The following GSTO2 variants were observed in gnomAD, a reference collection of about 807,000 sequenced individuals.
GSTO2 encodes the protein glutathione S-transferase omega 2.
A neutral mutation model predicts 28.4 loss-of-function variants in GSTO2; 23 were observed. That is an observed-to-expected ratio of 0.81 (90% CI 0.58 to 1.15). The LOEUF (loss-of-function observed/expected upper bound fraction) is 1.15, where lower values mean the gene tolerates loss of function less well. Ranked by LOEUF, GSTO2 falls within the 50% of genes most tolerant of loss-of-function variation. The pLI, the probability that GSTO2 is intolerant of heterozygous loss-of-function variation, is 0.00. For missense variants in GSTO2, 298 were observed against 297.8 expected, an observed-to-expected ratio of 1.00 and a Z score of 0.00; for synonymous variants, 109 against 111.0, an observed-to-expected ratio of 0.98 and a Z score of 0.11.
chr10:104,285,875 A>G, intron 5 of GSTO2: 1 of 287,258 alleles, frequency 3.5e-6, no homozygotes. Flanking sequence ...AATTTTTATT[A>G]ATTTCCAGTG....
rs1262601051 is a variant in GSTO2, at chr10:104,304,298, G to C, written c.*5014G>C. 2 of 152,156 alleles carry C rather than the reference G, an allele frequency of 1.3e-5. No individual in the cohort carries two copies. The highest frequency in any genetic ancestry group is 2.4e-5 in the African/African-American group (1 of 41,438). The allele number at this position is 152,156 out of a possible 1,614,324, so 9.4% of individuals were successfully genotyped here. On this transcript the variant is annotated 3_prime_UTR_variant, in exon 7 of 7. Coordinates refer to ENST00000338595, the MANE Select transcript of GSTO2 (RefSeq NM_183239.2). ...TCTCATCTGGCCTGTTAGCGCTCTT[G>C]AGCCTTTGAAAATGCCATTTCCTCT...
intron 1 of GSTO2, among the ~76,000 whole-genome samples, chr10:104,269,823 C>G (rs999902443): frequency 2.0e-5 from 3 of 152,206 alleles, no homozygotes; most frequent in Non-Finnish European, 2.9e-5. Flanking sequence ...TGTACTGGTA[C>G]TATTAGCTAC....
intron 1 of GSTO2, among the ~76,000 whole-genome samples, chr10:104,273,280 CT>C (rs57778497): frequency 0.074 from 11,275 of 152,280 alleles, 1,399 homozygotes; most frequent in African/African-American, 0.26. Flanking sequence ...ACCAATATGT[CT>C]TCTCCAACAC....
At chr10:104,270,923 C>T (rs1196787013) in intron 1 of GSTO2, among the ~76,000 whole-genome samples, 15 of 152,210 alleles carry the variant, frequency 9.9e-5, no homozygotes, top group Admixed American at 9.8e-4. Flanking sequence ...GTTAATCACC[C>T]ATGACCGAAG....
chr10:104,275,137 T>A, intron 2 of GSTO2, 89 bp from the exon 3 acceptor site: 1 of 1,525,432 alleles, frequency 6.6e-7, no homozygotes, highest in Non-Finnish European at 8.8e-7. Context: ...CCCACAGCCA[T>A]CTTGGGATCT....
intron 5 of GSTO2, chr10:104,296,981 GT>G (rs1395219735): frequency 6.6e-6 from 1 of 152,302 alleles, no homozygotes; most frequent in Non-Finnish European, 1.5e-5. Flanking sequence ...GTTTCTCCAT[GT>G]TGGTCAGGCT....
At chr10:104,295,672 T>G (rs1047448480) in intron 5 of GSTO2, 1 of 152,296 alleles carries the variant, frequency 6.6e-6, no homozygotes, top group Non-Finnish European at 1.5e-5. Context: ...GGTTCCATGC[T>G]GAATCAGAGG....
chr10:104,299,368 T>C lies in GSTO2; in HGVS notation c.*84T>C, dbSNP rs2013189948. 1 of 1,426,728 alleles carries C rather than the reference T, an allele frequency of 7.0e-7. No homozygotes were observed. The highest frequency in any genetic ancestry group is 1.9e-5 in the African/African-American group (1 of 52,222). The allele number at this position is 1,426,728 out of a possible 1,614,324, so 88.4% of individuals were successfully genotyped here. ...ACGGCTTGTCTTGGGAACCAATCCGTCTCTCTTTCTTTTCTTTGAAGTTCC... is the reference window on the plus strand; with the variant it reads ...ACGGCTTGTCTTGGGAACCAATCCGCCTCTCTTTCTTTTCTTTGAAGTTCC... On this transcript the variant is annotated 3_prime_UTR_variant, in exon 7 of 7. Coordinates refer to ENST00000338595, the MANE Select transcript of GSTO2 (RefSeq NM_183239.2).
At chr10:104,293,272 A>G (rs550611470) in intron 5 of GSTO2, among the ~76,000 whole-genome samples, 201 of 152,322 alleles carry the variant, frequency 1.3e-3, no homozygotes, top group Non-Finnish European at 2.2e-3. Flanking sequence ...GCTGGTTCCA[A>G]GCTTTTTTCT....
rs191805722 is a variant in GSTO2 at position 104,303,622 on chromosome 10, A to G, written c.*4338A>G. On this transcript the variant is annotated 3_prime_UTR_variant, in exon 7 of 7. Transcript: ENST00000338595. ...GAATTTGCAGCCAGCTATGTGGTAG[A>G]AAAGAAGAGCCCGTTTTCAGGGAAG... The G allele has an allele frequency of 6.6e-6, 1 of 152,340 alleles. No homozygotes were observed. Among genetic ancestry groups the G allele is most frequent in the African/African-American group, 2.4e-5 (1 of 41,586 alleles). The allele number at this position is 152,340 out of a possible 1,614,324, so 9.4% of individuals were successfully genotyped here.
In GSTO2 at chr10:104,279,441, C is replaced by T. The variant is rs771752797; in HGVS notation, c.438C>T (p.Ala146=). Reference sequence around the variant, plus strand: ...GAGAATGCACTAATCTGAAGGCAGCCCTGCGTCAGGAATTCAGCAACCTGG... The same window carrying T: ...GAGAATGCACTAATCTGAAGGCAGCTCTGCGTCAGGAATTCAGCAACCTGG... ...CGRECTNLKA[A]LRQEFSNLEE... Residue 146 remains alanine (A), a synonymous_variant, in exon 5 of 7, where the codon GCC becomes GCT. Transcript: ENST00000338595. The T allele has an allele frequency of 1.2e-6, 2 of 1,613,980 alleles. No homozygotes were observed. Among genetic ancestry groups the T allele is most frequent in the South Asian group, 2.2e-5 (2 of 91,074 alleles).
intron 1 of GSTO2, among the ~76,000 whole-genome samples, chr10:104,270,198 A>G (rs1469033964): frequency 6.6e-6 from 1 of 152,100 alleles, no homozygotes; most frequent in African/African-American, 2.4e-5. Flanking sequence ...TATTTTTAGT[A>G]GAGACGGGGT....
At chr10:104,276,900 G>A (rs2011662175) in intron 3 of GSTO2, among the ~76,000 whole-genome samples, 1 of 152,108 alleles carries the variant, frequency 6.6e-6, no homozygotes, top group Non-Finnish European at 1.5e-5. Context: ...ATTGTATTAT[G>A]TGAACATTAA....
At chr10:104,269,310 G>C (rs2011268516) in intron 1 of GSTO2, 41 bp downstream of exon 1, 1 of 152,248 alleles carries the variant, frequency 6.6e-6, no homozygotes, top group Non-Finnish European at 1.5e-5. Flanking sequence ...AGGGAAGAGG[G>C]GTTTGAGGTC....
At position 104,299,248 on chromosome 10, in the gene GSTO2, G is replaced by A. The variant is rs1262143838; in HGVS notation, c.696G>A (p.Gln232=). The A allele has an allele frequency of 1.9e-6, 3 of 1,614,120 alleles. No individual in the cohort carries two copies. The highest frequency in any genetic ancestry group is 2.5e-6 in the Non-Finnish European group (3 of 1,180,016). ...AGGGCTTCTTGAATCTCTATTTTCAGAACAACCCTAATGCCTTTGACTTTG... is the reference window on the plus strand; with the variant it reads ...AGGGCTTCTTGAATCTCTATTTTCAAAACAACCCTAATGCCTTTGACTTTG... ...IFQGFLNLYF[Q]NNPNAFDFGL... The change falls in exon 7 of 7, where the codon CAG becomes CAA. Residue 232 remains glutamine, a synonymous_variant. Coordinates refer to ENST00000338595, the MANE Select transcript of GSTO2 (RefSeq NM_183239.2).
At position 104,292,306 on chromosome 10, in the gene GSTO2, G is replaced by C. The variant is rs543570012; in HGVS notation, c.469-5272G>C. ...GCTCACTACAGCCTCGAACTCCTGG[G>C]CACCACTACACCCAGCTAACTTTTT... On this transcript the variant is annotated intron_variant, in intron 5 of 6. Coordinates refer to ENST00000338595, the MANE Select transcript of GSTO2 (RefSeq NM_183239.2). Among the ~76,000 whole-genome samples the C allele has an allele frequency of 5.3e-5, 8 of 151,658 alleles. No individual in the cohort carries two copies. In the South Asian group the frequency reaches 1.5e-3, roughly 28 times the overall value.
At chr10:104,286,668 C>T (rs896902835) in intron 5 of GSTO2, among the ~76,000 whole-genome samples, 4 of 152,290 alleles carry the variant, frequency 2.6e-5, no homozygotes, top group Non-Finnish European at 2.9e-5. Flanking sequence ...CAGGATGCCT[C>T]GTTAAGTGTA....
rs1055636967 is a variant in GSTO2, at chr10:104,299,461, G to A, written c.*177G>A. 1.5e-6 allele frequency: 1 copy of A among 663,242 alleles called. No individual in the cohort carries two copies. The highest frequency in any genetic ancestry group is 2.4e-6 in the Non-Finnish European group (1 of 409,982). 41.1% of individuals were successfully genotyped at this position (663,242 alleles called of 1,614,324 possible). A position where few individuals can be genotyped will look rare whatever the true frequency, so the allele number is the denominator to read the frequency against. On this transcript the variant is annotated 3_prime_UTR_variant, in exon 7 of 7. Transcript: ENST00000338595. Reference sequence around the variant, plus strand: ...TGTCTGACTCCTCTAGCCTGTAGCTGCTGCTACTGCTGCTTTTTTTTCCTT... The same window carrying A: ...TGTCTGACTCCTCTAGCCTGTAGCTACTGCTACTGCTGCTTTTTTTTCCTT...
chr10:104,281,562 G>A (rs2135108794), intron 5 of GSTO2, among the ~76,000 whole-genome samples: 1 of 152,244 alleles, frequency 6.6e-6, no homozygotes, highest in African/African-American at 2.4e-5. Flanking sequence ...CTTCAGTCGG[G>A]GGTCTTTTCC....
Sources: allele counts gnomAD v4.1 joint callset (sites outside exome capture counted in the v4.1 genomes callset), GRCh38; gene constraint gnomAD v4.1.1; transcripts MANE v1.5; gene names NCBI Gene and HGNC (gene_info 2026-07-23, HGNC 2026-07-21).